The following MAP3K7CL variants were observed in gnomAD, a reference collection of about 807,000 sequenced individuals.
MAP3K7CL encodes MAP3K7 C-terminal like.
Under a neutral mutation model 18.6 loss-of-function variants are expected in MAP3K7CL, and 16 were observed. The ratio of observed to expected loss-of-function variants is 0.86; its 90% CI spans 0.58 to 1.31. The LOEUF (loss-of-function observed/expected upper bound fraction) is 1.31. MAP3K7CL is among the 50% of genes most tolerant of loss of function. MAP3K7CL has a pLI of 0.00. For missense variants in MAP3K7CL, 163 were observed against 174.4 expected, an observed-to-expected ratio of 0.93 and a Z score of 0.37; for synonymous variants, 65 against 66.8, an observed-to-expected ratio of 0.97 and a Z score of 0.13.
At chr21:29,173,334 T>G (rs2087888492) in intron 4 of MAP3K7CL, among the ~76,000 whole-genome samples, 1 of 152,172 alleles carries the variant, frequency 6.6e-6, no homozygotes, top group Non-Finnish European at 1.5e-5. Context: ...CTTCTTTTAA[T>G]TAGCCTCCTT....
At chr21:29,173,190 C>T (rs2087884844) in intron 4 of MAP3K7CL, among the ~76,000 whole-genome samples, 1 of 152,202 alleles carries the variant, frequency 6.6e-6, no homozygotes, top group Non-Finnish European at 1.5e-5. Context: ...GGGACTGAGA[C>T]TGGTGGCAGT....
intron 1 of MAP3K7CL, among the ~76,000 whole-genome samples, chr21:29,089,256 T>TC (rs1568927936): frequency 6.9e-6 from 1 of 145,542 alleles, no homozygotes; most frequent in African/African-American, 2.5e-5. Context: ...CCCTCATCTC[T>TC]GAATCAAGAA....
rs1422961824 is a variant in MAP3K7CL at position 29,175,472 on chromosome 21, G to A, written c.*580G>A. The A allele has an allele frequency of 6.6e-6, 1 of 152,164 alleles. No individual in the cohort carries two copies. Among genetic ancestry groups the A allele is most frequent in the African/African-American group, 2.4e-5 (1 of 41,428 alleles). 9.4% of individuals were successfully genotyped at this position (152,164 alleles called of 1,614,324 possible). ...TCACATATCCTAAAAGCTTCTTCATGAAATTATTAGCAGAAACCATGTTTG... is the reference window on the plus strand; with the variant it reads ...TCACATATCCTAAAAGCTTCTTCATAAAATTATTAGCAGAAACCATGTTTG... On this transcript the variant is annotated 3_prime_UTR_variant, in exon 5 of 5. Coordinates refer to ENST00000399928, the MANE Select transcript of MAP3K7CL (RefSeq NM_001286620.2).
chr21:29,126,048 A>G (rs1915684806), upstream of MAP3K7CL, among the ~76,000 whole-genome samples: 1 of 152,340 alleles, frequency 6.6e-6, no homozygotes, highest in South Asian at 2.1e-4. Flanking sequence ...AAATTTTTTT[A>G]TGGGGATGGA....
chr21:29,172,494 C>T (rs1262037589), intron 4 of MAP3K7CL, among the ~76,000 whole-genome samples: 1 of 152,158 alleles, frequency 6.6e-6, no homozygotes, highest in Non-Finnish European at 1.5e-5. Context: ...GTTTTCATCA[C>T]ACATTTCCCT....
intron 2 of MAP3K7CL, among the ~76,000 whole-genome samples, chr21:29,144,369 TG>T (rs1382034551): frequency 1.3e-5 from 2 of 152,226 alleles, no homozygotes; most frequent in Non-Finnish European, 2.9e-5. Context: ...TTCACCATGT[TG>T]GCCAGGCTGG....
intron 3 of MAP3K7CL, among the ~76,000 whole-genome samples, chr21:29,154,311 G>T (rs1311407010): frequency 1.3e-5 from 2 of 151,922 alleles, no homozygotes; most frequent in Non-Finnish European, 1.5e-5. Context: ...AAAAGCATCT[G>T]CTTGAATTTT....
At chr21:29,088,223 A>C (rs1442553561) in intron 1 of MAP3K7CL, among the ~76,000 whole-genome samples, 2 of 152,344 alleles carry the variant, frequency 1.3e-5, no homozygotes, top group South Asian at 4.1e-4. Context: ...TGAAAGGTGA[A>C]GCTTTAATAG....
At chr21:29,092,084 G>C (rs1055448909) in intron 3 of MAP3K7CL, among the ~76,000 whole-genome samples, 1 of 152,318 alleles carries the variant, frequency 6.6e-6, no homozygotes, top group Non-Finnish European at 1.5e-5. Context: ...CAAGTGGGGA[G>C]TATATTAAAT....
intron 4 of MAP3K7CL, among the ~76,000 whole-genome samples, chr21:29,115,574 G>C (rs1486058519): frequency 6.6e-6 from 1 of 152,138 alleles, no homozygotes; most frequent in African/African-American, 2.4e-5. Context: ...TTGACCGTAG[G>C]CAGGTTATTT....
chr21:29,085,433 A>G (rs1329698074), upstream of MAP3K7CL, among the ~76,000 whole-genome samples: 1 of 151,998 alleles, frequency 6.6e-6, no homozygotes, highest in Non-Finnish European at 1.5e-5. Context: ...TGGACATAAA[A>G]AGTGCATTTA....
intron 4 of MAP3K7CL, among the ~76,000 whole-genome samples, chr21:29,098,006 A>G (rs912834925): frequency 1.1e-4 from 16 of 152,290 alleles, no homozygotes; most frequent in South Asian, 6.2e-4. Context: ...TATGATAGCT[A>G]TATAACTTTG....
intron 4 of MAP3K7CL, among the ~76,000 whole-genome samples, chr21:29,105,758 G>A (rs994808919): frequency 3.9e-5 from 6 of 152,090 alleles, no homozygotes; most frequent in Admixed American, 3.3e-4. Flanking sequence ...ATTCAAGAGC[G>A]TTTTAAATCA....
At chr21:29,164,652 T>C (rs962090966) in intron 4 of MAP3K7CL, among the ~76,000 whole-genome samples, 1 of 152,200 alleles carries the variant, frequency 6.6e-6, no homozygotes, top group Non-Finnish European at 1.5e-5. Context: ...TCAAACATTT[T>C]CTAGGATTAT....
At chr21:29,112,034 C>T (rs978939642) in intron 4 of MAP3K7CL, among the ~76,000 whole-genome samples, 22 of 152,166 alleles carry the variant, frequency 1.4e-4, no homozygotes, top group African/African-American at 5.1e-4. Context: ...CGGTGGCTCA[C>T]ACCTGTAATC....
upstream of MAP3K7CL, among the ~76,000 whole-genome samples, chr21:29,082,249 G>A (rs1165704389): frequency 2.6e-5 from 4 of 152,238 alleles, no homozygotes; most frequent in South Asian, 8.3e-4. Context: ...TTAAGTTCAG[G>A]CACTGCATTA....
intron 3 of MAP3K7CL, 133 bp downstream of exon 3, chr21:29,149,383 A>G (rs769017234): frequency 2.2e-5 from 17 of 755,676 alleles, no homozygotes; most frequent in Non-Finnish European, 3.8e-5. Context: ...ATCAAGGATT[A>G]CATTTCTAGA....
intron 3 of MAP3K7CL, among the ~76,000 whole-genome samples, chr21:29,153,344 A>T (rs2087321763): frequency 1.3e-5 from 2 of 152,236 alleles, no homozygotes; most frequent in South Asian, 4.1e-4. Flanking sequence ...TCCCATGCCC[A>T]TCAGGGACAG....
intron 4 of MAP3K7CL, among the ~76,000 whole-genome samples, chr21:29,112,872 G>A (rs1247910950): frequency 1.3e-5 from 2 of 150,958 alleles, no homozygotes; most frequent in Admixed American, 6.6e-5. Flanking sequence ...TCCCAGGCTA[G>A]AGTGCGCACC....
Sources: allele counts gnomAD v4.1 joint callset (sites outside exome capture counted in the v4.1 genomes callset), GRCh38; gene constraint gnomAD v4.1.1; transcripts MANE v1.5; gene names NCBI Gene and HGNC (gene_info 2026-07-23, HGNC 2026-07-21).